MAST2: variants seen among roughly 807,000 people sequenced by gnomAD.
MAST2 encodes the protein microtubule-associated serine/threonine-protein kinase 2.
MAST2 carries 70 observed loss-of-function variants against 147.4 expected under a neutral mutation model. The ratio of observed to expected loss-of-function variants is 0.47; its 90% CI spans 0.39 to 0.58. MAST2 has a LOEUF of 0.58. Among genes scored for constraint, MAST2 ranks in the 20% least tolerant of loss-of-function variants. The probability of loss-of-function intolerance (pLI) is 0.00; values close to 1 mark genes in which losing one functional copy is unlikely to be tolerated. For synonymous variants in MAST2, 869 were observed against 896.8 expected (o/e 0.97, Z 0.55); for missense variants, 2,080 against 2,302.3 (o/e 0.90, Z 1.98).
At position 45,832,024 on chromosome 1, in the gene MAST2, C is replaced by T. The variant is rs548559538; in HGVS notation, c.468+2443C>T. Among the ~76,000 whole-genome samples, 384 of 152,214 alleles carry T rather than the reference C, an allele frequency of 2.5e-3. 2 individuals are homozygous for T. Among genetic ancestry groups the T allele is most frequent in the Non-Finnish European group, 3.6e-3 (248 of 68,022 alleles). On this transcript the variant is annotated intron_variant, in intron 3 of 28. Coordinates refer to ENST00000361297, the MANE Select transcript of MAST2 (RefSeq NM_015112.3). ...CGAACTCCTGACCTCAAGTGATCCA[C>T]CTGCCTCGGCCTCTCAAAGTGCTGG...
intron 4 of MAST2, among the ~76,000 whole-genome samples, chr1:45,947,424 C>T (rs1658223751): frequency 6.6e-6 from 1 of 151,958 alleles, no homozygotes; most frequent in African/African-American, 2.4e-5. Flanking sequence ...TGTGGGCTGC[C>T]AGTTGGACAA....
chr1:45,898,003 G>A (rs373325261), intron 4 of MAST2, among the ~76,000 whole-genome samples: 11 of 151,888 alleles, frequency 7.2e-5, no homozygotes, highest in East Asian at 5.8e-4. Context: ...CAGCTACTTG[G>A]CAAGCTGAGG....
intron 1 of MAST2, among the ~76,000 whole-genome samples, chr1:45,820,822 GGA>G (rs1644598568): frequency 2.3e-5 from 3 of 130,794 alleles, no homozygotes; most frequent in Non-Finnish European, 1.6e-5. Flanking sequence ...TAGTGGTGAT[GGA>G]CTCTGTCTGC....
intron 7 of MAST2, among the ~76,000 whole-genome samples, chr1:46,003,477 CT>C (rs977281031): frequency 5.7e-4 from 83 of 146,568 alleles, no homozygotes; most frequent in Non-Finnish European, 5.1e-4. Flanking sequence ...CATTGAGCAA[CT>C]TTTTTTTTTT....
At chr1:45,919,634 G>C (rs1238927364) in intron 4 of MAST2, among the ~76,000 whole-genome samples, 1 of 152,170 alleles carries the variant, frequency 6.6e-6, no homozygotes, top group East Asian at 1.9e-4. Context: ...AGACGTACTA[G>C]CGCTTGGCGT....
chr1:45,936,499 A>G (rs4660898), intron 4 of MAST2, among the ~76,000 whole-genome samples: 67,757 of 151,904 alleles, frequency 0.45, 15,295 homozygotes, highest in East Asian at 0.63. Context: ...CAGGTTTGTC[A>G]TAGACGGCTC....
chr1:45,959,142 T>C (rs981858839), intron 4 of MAST2, among the ~76,000 whole-genome samples: 8 of 152,080 alleles, frequency 5.3e-5, no homozygotes, highest in African/African-American at 1.9e-4. Context: ...AAACTAAACA[T>C]TGGAAAAGCA....
chr1:45,816,672 A>G (rs1644464671), intron 1 of MAST2, among the ~76,000 whole-genome samples: 1 of 152,078 alleles, frequency 6.6e-6, no homozygotes, highest in Non-Finnish European at 1.5e-5. Flanking sequence ...AAGCAGAAGA[A>G]AGAATTTATT....
intron 8 of MAST2, 28 bp from the exon 9 acceptor site, chr1:46,008,268 G>A: frequency 6.5e-7 from 1 of 1,544,504 alleles, no homozygotes; most frequent in African/African-American, 1.4e-5. Flanking sequence ...TAGCACTAAA[G>A]TAACACAATC....
At chr1:45,926,593 C>T (rs1654403726) in intron 4 of MAST2, among the ~76,000 whole-genome samples, 1 of 152,174 alleles carries the variant, frequency 6.6e-6, no homozygotes, top group Non-Finnish European at 1.5e-5. Context: ...CTTTGAATTA[C>T]ATTCTTTCTA....
At position 45,880,673 on chromosome 1, in the gene MAST2, A is replaced by G. The variant is rs1646804628; in HGVS notation, c.469-1691A>G. Reference sequence around the variant, plus strand: ...AGCGAATTTTACAAAAATAAGGCATATTAAACTTATTGTGAAAAGTAAACC... The same window carrying G: ...AGCGAATTTTACAAAAATAAGGCATGTTAAACTTATTGTGAAAAGTAAACC... On this transcript the variant is annotated intron_variant, in intron 3 of 28. Transcript: ENST00000361297. Among the ~76,000 whole-genome samples the G allele has an allele frequency of 3.9e-5, 6 of 152,328 alleles. No homozygotes were observed. In the South Asian group the frequency reaches 1.2e-3, roughly 32 times the overall value.
chr1:45,956,764 T>C (rs1237568310), intron 4 of MAST2, among the ~76,000 whole-genome samples: 1 of 152,350 alleles, frequency 6.6e-6, no homozygotes, highest in South Asian at 2.1e-4. Context: ...GATACACCCA[T>C]CAGCCAGCTA....
At chr1:45,981,672 A>G (rs867462897) in intron 5 of MAST2, among the ~76,000 whole-genome samples, 1 of 152,266 alleles carries the variant, frequency 6.6e-6, no homozygotes, top group South Asian at 2.1e-4. Context: ...AAGCTCAGAA[A>G]TGTACAAGGG....
intron 3 of MAST2, among the ~76,000 whole-genome samples, chr1:45,860,489 C>T (rs1434538570): frequency 1.3e-5 from 2 of 151,986 alleles, no homozygotes; most frequent in African/African-American, 4.8e-5. Flanking sequence ...TGTTTACCAA[C>T]TTAATTATTC....
intron 4 of MAST2, among the ~76,000 whole-genome samples, chr1:45,923,713 C>G (rs1365746088): frequency 6.6e-6 from 1 of 152,128 alleles, no homozygotes; most frequent in East Asian, 1.9e-4. Context: ...TAATATCATA[C>G]GTTCTGAACC....
intron 1 of MAST2, among the ~76,000 whole-genome samples, chr1:45,813,530 C>G (rs1307871055): frequency 7.0e-6 from 1 of 142,912 alleles, no homozygotes; most frequent in Non-Finnish European, 1.5e-5. Context: ...CGAAGTTTTG[C>G]TCTTGTCCCC....
chr1:45,959,288 CG>C, intron 4 of MAST2, 97 bp from the exon 5 acceptor site: 1 of 835,418 alleles, frequency 1.2e-6, no homozygotes, highest in Non-Finnish European at 2.0e-6. Context: ...CTGTGCGGCC[CG>C]TGGAATGGTG....
chr1:46,021,636 C>G (rs1030096398), intron 11 of MAST2, among the ~76,000 whole-genome samples: 15 of 152,230 alleles, frequency 9.9e-5, no homozygotes, highest in South Asian at 2.1e-4. Flanking sequence ...ATACACCAGA[C>G]AGTGCCACCT....
At chr1:45,836,456 T>C (rs1380524470) in intron 3 of MAST2, among the ~76,000 whole-genome samples, 1 of 152,202 alleles carries the variant, frequency 6.6e-6, no homozygotes, top group Non-Finnish European at 1.5e-5. Flanking sequence ...GATTCTTATT[T>C]TAATTTATAT....
Sources: allele counts gnomAD v4.1 joint callset (sites outside exome capture counted in the v4.1 genomes callset), GRCh38; gene constraint gnomAD v4.1.1; transcripts MANE v1.5; gene names NCBI Gene and HGNC (gene_info 2026-07-23, HGNC 2026-07-21).